Variants in PARVB observed in about 807,000 individuals in gnomAD.
PARVB encodes the protein parvin beta.
In PARVB, 46 loss-of-function variants were observed where a neutral mutation model predicts 47.0. That is an observed-to-expected ratio of 0.98 (90% confidence interval 0.77 to 1.25). The LOEUF (loss-of-function observed/expected upper bound fraction) is 1.25, where lower values mean the gene tolerates loss of function less well. Ranked by LOEUF, PARVB falls within the 50% of genes most tolerant of loss-of-function variation. PARVB has a pLI of 0.00. For synonymous variants in PARVB, 196 were observed against 196.3 expected, an observed-to-expected ratio of 1.00 and a Z score of 0.01; for missense variants, 473 against 471.6, an observed-to-expected ratio of 1.00 and a Z score of -0.03.
At chr22:44,127,337 T>C (rs2053209079) in intron 4 of PARVB, among the ~76,000 whole-genome samples, 1 of 152,192 alleles carries the variant, frequency 6.6e-6, no homozygotes, top group South Asian at 2.1e-4. Context: ...CCTCATTTTG[T>C]GAATGTTGTT....
At chr22:44,030,176 TC>T (rs2050800544) in intron 1 of PARVB, among the ~76,000 whole-genome samples, 1 of 152,136 alleles carries the variant, frequency 6.6e-6, no homozygotes, top group Admixed American at 6.5e-5. Context: ...CCCCCGCCTT[TC>T]CCCCCAGCAA....
In PARVB at chr22:44,168,686, G is replaced by A; in HGVS notation, c.*8G>A. 1 of 1,586,488 alleles carries A rather than the reference G, an allele frequency of 6.3e-7. No individual in the cohort carries two copies. On this transcript the variant is annotated 3_prime_UTR_variant, in exon 13 of 13. Coordinates refer to ENST00000338758, the MANE Select transcript of PARVB (RefSeq NM_013327.5). ...TACAAGAACGTGGAGTGACGGGGGAGCTGTGGATGGTGGCAGGAGTGTCCC... is the reference window on the plus strand; with the variant it reads ...TACAAGAACGTGGAGTGACGGGGGAACTGTGGATGGTGGCAGGAGTGTCCC...
intron 9 of PARVB, chr22:44,148,147 C>G: frequency 1.7e-6 from 1 of 572,994 alleles, no homozygotes; most frequent in Non-Finnish European, 3.2e-6. Context: ...CCGCCCGCTC[C>G]GCTTCTGTTA....
chr22:44,148,560 C>G (rs2053737067), intron 9 of PARVB: 1 of 160,230 alleles, frequency 6.2e-6, no homozygotes, highest in South Asian at 1.7e-4. Flanking sequence ...TCCCTCCTTC[C>G]CATAACATCG....
intron 1 of PARVB, chr22:44,026,310 T>A (rs924243953): frequency 2.0e-6 from 2 of 985,378 alleles, no homozygotes; most frequent in African/African-American, 3.5e-5. Context: ...CTGTGCTGAA[T>A]AGAACGGGCG....
chr22:44,128,890 C>G (rs960444421), intron 4 of PARVB, among the ~76,000 whole-genome samples: 1 of 152,196 alleles, frequency 6.6e-6, no homozygotes, highest in African/African-American at 2.4e-5. Flanking sequence ...CCAGCCTGAT[C>G]AACATGGTGA....
chr22:44,156,658 T>C (rs2053942015), intron 10 of PARVB, among the ~76,000 whole-genome samples: 1 of 152,246 alleles, frequency 6.6e-6, no homozygotes, highest in Non-Finnish European at 1.5e-5. Flanking sequence ...GCACCTAACA[T>C]GATTGAACTG....
At chr22:44,100,202 A>T in intron 3 of PARVB, 79 bp downstream of exon 3, 1 of 1,134,162 alleles carries the variant, frequency 8.8e-7, no homozygotes, top group Non-Finnish European at 1.3e-6. Flanking sequence ...TCATGGACAA[A>T]GGGAGCTAAA....
Position 44,073,585 on chromosome 22 carries a change from G to A in PARVB, c.113-20343G>A, listed in dbSNP as rs1449361029. 3.9e-5 allele frequency among the ~76,000 whole-genome samples: 6 copies of A among 152,342 alleles called. No homozygotes were observed. In the South Asian group the frequency reaches 6.2e-4, roughly 16 times the overall value. On this transcript the variant is annotated intron_variant, in intron 1 of 12. Coordinates refer to ENST00000338758, the MANE Select transcript of PARVB (RefSeq NM_013327.5). ...ATACCAATGCCAAATAAAGGGAACCGAGAGATGAAAGGTGTCACTGTCCTG... is the reference window on the plus strand; with the variant it reads ...ATACCAATGCCAAATAAAGGGAACCAAGAGATGAAAGGTGTCACTGTCCTG...
chr22:44,065,651 A>T (rs1052694873), intron 1 of PARVB, among the ~76,000 whole-genome samples: 1 of 152,112 alleles, frequency 6.6e-6, no homozygotes, highest in African/African-American at 2.4e-5. Context: ...CAAGTCCCCA[A>T]AGTCCATTGT....
intron 1 of PARVB, among the ~76,000 whole-genome samples, chr22:44,051,945 C>T (rs139469780): frequency 1.8e-4 from 28 of 152,160 alleles, no homozygotes; most frequent in African/African-American, 4.3e-4. Flanking sequence ...CAAGATGCAC[C>T]GAGGACTGAT....
At chr22:44,093,216 A>G (rs2052215106) in intron 1 of PARVB, among the ~76,000 whole-genome samples, 1 of 152,178 alleles carries the variant, frequency 6.6e-6, no homozygotes, top group African/African-American at 2.4e-5. Context: ...ATGTGGCTGA[A>G]AGGCCTGCAG....
chr22:44,140,628 G>A (rs1601668608), intron 8 of PARVB: 1 of 518,094 alleles, frequency 1.9e-6, no homozygotes, highest in African/African-American at 1.9e-5. Context: ...ATTCCTGGCT[G>A]GTGGCTTGTG....
intron 1 of PARVB, among the ~76,000 whole-genome samples, chr22:44,083,028 G>A (rs1011726127): frequency 6.6e-6 from 1 of 152,042 alleles, no homozygotes; most frequent in Non-Finnish European, 1.5e-5. Flanking sequence ...TTGGCTCCTG[G>A]GCTGCTTGTA....
intron 1 of PARVB, among the ~76,000 whole-genome samples, chr22:44,084,883 C>T (rs573926937): frequency 5.9e-5 from 9 of 152,364 alleles, no homozygotes; most frequent in African/African-American, 1.7e-4. Context: ...GCACCCTGTA[C>T]ATAACCCTGC....
intron 2 of PARVB, among the ~76,000 whole-genome samples, chr22:44,001,026 A>T (rs927276529): frequency 9.9e-5 from 15 of 152,250 alleles, no homozygotes; most frequent in Non-Finnish European, 1.8e-4. Flanking sequence ...AGGTGGGCGG[A>T]TCACCTGAGG....
At chr22:44,060,453 A>G (rs2051398264) in intron 1 of PARVB, among the ~76,000 whole-genome samples, 1 of 152,148 alleles carries the variant, frequency 6.6e-6, no homozygotes. Context: ...AGCCAGAAGA[A>G]CTTGCTGGTG....
At position 44,030,816 on chromosome 22, in the gene PARVB, G is replaced by A. The variant is rs140422869; in HGVS notation, c.112+6365G>A. Among the ~76,000 whole-genome samples the A allele has an allele frequency of 1.3e-3, 201 of 152,236 alleles. 1 individual carries two copies. Among genetic ancestry groups the A allele is most frequent in the African/African-American group, 4.5e-3 (188 of 41,564 alleles). On this transcript the variant is annotated intron_variant, in intron 1 of 12. Transcript: ENST00000338758. The stretch of plus-strand genomic sequence containing the variant: ...TGGACGATTTTTCAGACTTCTTCTC[G>A]TTTCCAGGCCCTCTGTGCTCACGTG...
intron 5 of PARVB, 97 bp from the exon 6 acceptor site, chr22:44,132,797 C>T: frequency 1.4e-6 from 1 of 735,752 alleles, no homozygotes; most frequent in Non-Finnish European, 2.4e-6. Flanking sequence ...TCGCTGGGGT[C>T]TCATTTAGAT....
Sources: gnomAD v4.1 joint callset for allele counts (sites outside exome capture counted in the v4.1 genomes callset) on GRCh38, gnomAD v4.1.1 for gene constraint, MANE v1.5 for transcripts, NCBI Gene and HGNC (gene_info 2026-07-23, HGNC 2026-07-21) for gene names.